The following AIF1L variants were observed in gnomAD, a reference collection of about 807,000 sequenced individuals.
The protein encoded by AIF1L is allograft inflammatory factor 1-like.
In AIF1L, 12 loss-of-function variants were observed where a neutral mutation model predicts 20.7. That is an observed-to-expected ratio of 0.58 (90% confidence interval 0.37 to 0.94). The LOEUF (loss-of-function observed/expected upper bound fraction) is 0.94, where lower values mean the gene tolerates loss of function less well. Ranked by LOEUF, AIF1L falls within the 40% of genes least tolerant of loss-of-function variation. AIF1L has a pLI of 0.01. For missense variants in AIF1L, 173 were observed against 185.3 expected (o/e 0.93, Z 0.39); for synonymous variants, 76 against 65.1 (o/e 1.17, Z -0.81).
rs567419337 is a variant in AIF1L at position 131,097,721 on chromosome 9, A to C, written c.93+858A>C. 3.9e-5 allele frequency among the ~76,000 whole-genome samples: 6 copies of C among 152,326 alleles called. No homozygotes were observed. In the South Asian group the frequency reaches 1.2e-3, roughly 32 times the overall value. ...ACAGCCAGTGGCTTTAAAGTTCTGC[A>C]AGACCTGGGCTCAGATCTGGCCTCC... On this transcript the variant is annotated intron_variant, in intron 2 of 5. Coordinates refer to ENST00000247291, the MANE Select transcript of AIF1L (RefSeq NM_031426.4).
At chr9:131,114,554 A>G in intron 3 of AIF1L, 23 bp from the exon 4 acceptor site, 5 of 1,613,678 alleles carry the variant, frequency 3.1e-6, no homozygotes, top group Non-Finnish European at 4.2e-6. Context: ...AACTAATGCT[A>G]GTTTTTGCTC....
intron 3 of AIF1L, chr9:131,113,972 TAGA>T (rs1830950687): frequency 6.4e-6 from 1 of 156,524 alleles, no homozygotes; most frequent in Non-Finnish European, 1.4e-5. Context: ...CCCTCACTGC[TAGA>T]AGTTTTCCTG....
chr9:131,114,789 T>C (rs1397913156), intron 4 of AIF1L, among the ~76,000 whole-genome samples, 171 bp downstream of exon 4: 1 of 152,022 alleles, frequency 6.6e-6, no homozygotes, highest in African/African-American at 2.4e-5. Flanking sequence ...GCCCTCAGAC[T>C]CCTCCAGACC....
intron 2 of AIF1L, among the ~76,000 whole-genome samples, chr9:131,110,780 G>A (rs1197575594): frequency 1.3e-5 from 2 of 151,938 alleles, no homozygotes; most frequent in East Asian, 3.9e-4. Flanking sequence ...TGGGATTACA[G>A]GCGTGAACCG....
At chr9:131,118,015 T>C in intron 5 of AIF1L, 97 bp downstream of exon 5, 1 of 1,339,982 alleles carries the variant, frequency 7.5e-7, no homozygotes, top group East Asian at 2.4e-5. Context: ...CCCCACCTAG[T>C]AGGTAACTCA....
At chr9:131,108,401 T>C (rs1197426236) in intron 2 of AIF1L, among the ~76,000 whole-genome samples, 2 of 152,012 alleles carry the variant, frequency 1.3e-5, no homozygotes. Context: ...GGTTTCACCA[T>C]GTTGGCCAGG....
intron 2 of AIF1L, among the ~76,000 whole-genome samples, chr9:131,111,137 T>C (rs189149207): frequency 5.1e-3 from 766 of 149,006 alleles, no homozygotes; most frequent in Admixed American, 1.0e-2. Flanking sequence ...GATCGCGCCA[T>C]TGCACACCAG....
In AIF1L at chr9:131,096,833, G is replaced by T; in HGVS notation, c.63G>T (p.Arg21=). ...AGGCGTTCGGCTTGCTCAAAGCCCG[G>T]CAGGAGAGGAGGCTGGCCGAGATCA... The part of the protein sequence containing the change: ...GGKAFGLLKA[R]QERRLAEINR... Residue 21 remains arginine, a synonymous_variant, in exon 2 of 6, where the codon CGG becomes CGT. Coordinates refer to ENST00000247291, the MANE Select transcript of AIF1L (RefSeq NM_031426.4). 6.5e-7 allele frequency: 1 copy of T among 1,538,696 alleles called. No individual in the cohort carries two copies. The highest frequency in any genetic ancestry group is 1.2e-5 in the South Asian group (1 of 82,842).
At chr9:131,097,054 C>T (rs1300519817) in intron 2 of AIF1L, among the ~76,000 whole-genome samples, 191 bp downstream of exon 2, 7 of 152,238 alleles carry the variant, frequency 4.6e-5, no homozygotes, top group Non-Finnish European at 8.8e-5. Flanking sequence ...CCTCCGCCTC[C>T]CGCCTCCGGT....
At chr9:131,102,590 C>T (rs1053539130) in intron 2 of AIF1L, among the ~76,000 whole-genome samples, 4 of 152,264 alleles carry the variant, frequency 2.6e-5, no homozygotes, top group African/African-American at 9.6e-5. Flanking sequence ...GATGGAATTT[C>T]TGCAGGGTGT....
At chr9:131,109,560 A>G (rs990574511) in intron 2 of AIF1L, among the ~76,000 whole-genome samples, 5 of 151,208 alleles carry the variant, frequency 3.3e-5, no homozygotes, top group Non-Finnish European at 5.9e-5. Flanking sequence ...ACTCCGTCTC[A>G]AAAAAACAAA....
chr9:131,115,192 G>A (rs1166900725), intron 4 of AIF1L, among the ~76,000 whole-genome samples: 1 of 152,208 alleles, frequency 6.6e-6, no homozygotes, highest in Non-Finnish European at 1.5e-5. Context: ...GCTCAAGCCT[G>A]TAATCCCAGC....
chr9:131,117,385 T>C (rs761425679), intron 4 of AIF1L, among the ~76,000 whole-genome samples: 3 of 152,086 alleles, frequency 2.0e-5, no homozygotes, highest in Non-Finnish European at 2.9e-5. Flanking sequence ...CCCACAGTCA[T>C]GGTGTGAAGA....
chr9:131,099,683 C>T (rs550437349), intron 2 of AIF1L, among the ~76,000 whole-genome samples: 1 of 151,956 alleles, frequency 6.6e-6, no homozygotes, highest in East Asian at 1.9e-4. Context: ...TTTCTCCTCC[C>T]TTGGTGTAGG....
rs528708221 is a variant in AIF1L at position 131,120,633 on chromosome 9, C to G, written c.*311C>G. 1.3e-4 allele frequency: 46 copies of G among 341,880 alleles called. No individual in the cohort carries two copies. In the East Asian group the frequency reaches 2.3e-3, roughly 17 times the overall value. The allele number at this position is 341,880 out of a possible 1,614,324, so 21.2% of individuals were successfully genotyped here. A position where few individuals can be genotyped will look rare whatever the true frequency, so the allele number is the denominator to read the frequency against. On this transcript the variant is annotated 3_prime_UTR_variant, in exon 6 of 6. Coordinates refer to ENST00000247291, the MANE Select transcript of AIF1L (RefSeq NM_031426.4). ...AGGGAGGCTTCCAGCCTGTGTTCCC[C>G]TCACTTGGAGGAACCAGCACTCTCC...
intron 4 of AIF1L, among the ~76,000 whole-genome samples, chr9:131,115,236 G>A (rs1195426873): frequency 6.6e-6 from 1 of 152,042 alleles, no homozygotes; most frequent in Non-Finnish European, 1.5e-5. Flanking sequence ...GATCACCTGA[G>A]GTCAGGAGTT....
At chr9:131,106,017 C>T (rs1830739739) in intron 2 of AIF1L, among the ~76,000 whole-genome samples, 1 of 152,076 alleles carries the variant, frequency 6.6e-6, no homozygotes, top group Admixed American at 6.6e-5. Flanking sequence ...TGGGATCTCC[C>T]TATGTTGCTC....
At chr9:131,111,231 A>G (rs1362782244) in intron 2 of AIF1L, among the ~76,000 whole-genome samples, 1 of 151,086 alleles carries the variant, frequency 6.6e-6, no homozygotes, top group Non-Finnish European at 1.5e-5. Context: ...CACATTCCTA[A>G]GAAGTTAATG....
chr9:131,096,962 C>T (rs1830543529), intron 2 of AIF1L, 99 bp downstream of exon 2: 2 of 1,294,920 alleles, frequency 1.5e-6, no homozygotes, highest in Non-Finnish European at 2.0e-6. Context: ...CAGATCTACC[C>T]TCTTCCTTCC....
Sources: allele counts gnomAD v4.1 joint callset (sites outside exome capture counted in the v4.1 genomes callset), GRCh38; gene constraint gnomAD v4.1.1; transcripts MANE v1.5; gene names NCBI Gene and HGNC (gene_info 2026-07-23, HGNC 2026-07-21).